Variants in C12orf56 observed in about 807,000 individuals in gnomAD.
The protein encoded by C12orf56 is uncharacterized protein C12orf56.
In C12orf56, 71 loss-of-function variants were observed where a neutral mutation model predicts 69.9. The observed-to-expected ratio is 1.02, with a 90% CI of 0.84 to 1.24. The LOEUF (loss-of-function observed/expected upper bound fraction) is 1.24. Among genes scored for constraint, C12orf56 ranks in the 50% most tolerant of loss-of-function variants. C12orf56 has a pLI of 0.00. For missense variants in C12orf56, 732 were observed against 738.5 expected (o/e 0.99, Z 0.10); for synonymous variants, 276 against 274.1 (o/e 1.01, Z -0.07).
chr12:64,346,296 G>C (rs1394422139), intron 2 of C12orf56, among the ~76,000 whole-genome samples: 1 of 152,116 alleles, frequency 6.6e-6, no homozygotes, highest in African/African-American at 2.4e-5. Context: ...TGTAGGCTGA[G>C]AGGCTAGGCG....
At chr12:64,323,218 C>T (rs1382553221) in intron 3 of C12orf56, among the ~76,000 whole-genome samples, 1 of 152,150 alleles carries the variant, frequency 6.6e-6, no homozygotes, top group Non-Finnish European at 1.5e-5. Context: ...GACACTCAAG[C>T]CCCCAGTTCC....
At chr12:64,268,854 G>A (rs2037944786) in intron 12 of C12orf56, among the ~76,000 whole-genome samples, 2 of 152,096 alleles carry the variant, frequency 1.3e-5, no homozygotes, top group South Asian at 4.1e-4. Context: ...AAAAGTCCAT[G>A]GCTGAGTGTG....
rs562705147 is a variant in C12orf56 at position 64,282,590 on chromosome 12, A to G, written c.1310+2074T>C. ...GGAGTTTGAGACCAGCCTGGACAAC[A>G]TGGCAAAACCCCATCTCTATGAAAA... On this transcript the variant is annotated intron_variant, in intron 8 of 12. Transcript: ENST00000543942. Among the ~76,000 whole-genome samples, 175 of 151,982 alleles carry G rather than the reference A, an allele frequency of 1.2e-3. 2 individuals are homozygous for G. Among genetic ancestry groups the G allele is most frequent in the African/African-American group, 4.0e-3 (164 of 41,444 alleles).
chr12:64,309,397 A>C (rs535519802), intron 5 of C12orf56, among the ~76,000 whole-genome samples: 4 of 152,322 alleles, frequency 2.6e-5, no homozygotes, highest in African/African-American at 9.6e-5. Flanking sequence ...GCCCTTTTGT[A>C]TCTGGCTTAT....
intron 1 of C12orf56, among the ~76,000 whole-genome samples, chr12:64,382,262 C>CAA (rs55714337): frequency 2.0e-5 from 2 of 97,694 alleles, no homozygotes; most frequent in Non-Finnish European, 2.0e-5. Context: ...ACTCTTGTCT[C>CAA]AAAAAAAAAA....
At chr12:64,301,828 G>C (rs2038449738) in intron 6 of C12orf56, among the ~76,000 whole-genome samples, 1 of 152,032 alleles carries the variant, frequency 6.6e-6, no homozygotes, top group Middle Eastern at 3.2e-3. Flanking sequence ...CCAGTCTCAG[G>C]TAGCATTTTT....
intron 1 of C12orf56, among the ~76,000 whole-genome samples, chr12:64,372,479 T>C (rs1303963407): frequency 6.6e-6 from 1 of 152,180 alleles, no homozygotes; most frequent in African/African-American, 2.4e-5. Flanking sequence ...GGTTTGAATT[T>C]AATGATCTTG....
intron 1 of C12orf56, among the ~76,000 whole-genome samples, chr12:64,369,550 A>G (rs1486891443): frequency 6.6e-6 from 1 of 152,304 alleles, no homozygotes; most frequent in East Asian, 1.9e-4. Context: ...TAATTCAAAG[A>G]CCACTGCATA....
rs1565757079 is a variant in C12orf56 at position 64,325,728 on chromosome 12, C to A, written c.488+5232G>T. ...TGAGTACCCCACCTCCCTAGCATCT[C>A]CAATAGTCTTCCCCTGAGTGAGCCA... On this transcript the variant is annotated intron_variant, in intron 3 of 12. Transcript: ENST00000543942. Among the ~76,000 whole-genome samples the A allele has an allele frequency of 2.0e-5, 3 of 152,266 alleles. No individual in the cohort carries two copies. In the East Asian group the frequency reaches 5.8e-4, roughly 29 times the overall value.
At chr12:64,354,134 C>G (rs1248194303) in intron 1 of C12orf56, among the ~76,000 whole-genome samples, 1 of 152,200 alleles carries the variant, frequency 6.6e-6, no homozygotes, top group African/African-American at 2.4e-5. Context: ...GTTTGAACTA[C>G]TGGAAATGTC....
chr12:64,368,567 T>C (rs2039528756), intron 1 of C12orf56, among the ~76,000 whole-genome samples: 1 of 152,070 alleles, frequency 6.6e-6, no homozygotes, highest in African/African-American at 2.4e-5. Context: ...AGATTCTGAG[T>C]GGACCATATT....
intron 1 of C12orf56, among the ~76,000 whole-genome samples, chr12:64,356,389 C>T (rs1440463372): frequency 6.6e-6 from 1 of 152,088 alleles, no homozygotes; most frequent in Non-Finnish European, 1.5e-5. Flanking sequence ...ATTTTTACTT[C>T]CATAGAAGGG....
intron 1 of C12orf56, among the ~76,000 whole-genome samples, chr12:64,354,803 G>A (rs2039284203): frequency 6.8e-6 from 1 of 148,140 alleles, no homozygotes; most frequent in Non-Finnish European, 1.5e-5. Context: ...GGGTTGCCAG[G>A]TGCGGTGGCT....
In C12orf56 at chr12:64,345,211, G is replaced by C. The variant is rs117735537; in HGVS notation, c.415+7683C>G. On this transcript the variant is annotated intron_variant, in intron 2 of 12. Transcript: ENST00000543942. ...GGTCTACAAGCAAACAGGAACATTG[G>C]GGGGTGGGTCCTGAGGAGAGTCAAC... 2.9e-3 allele frequency among the ~76,000 whole-genome samples: 444 copies of C among 152,284 alleles called. 1 individual carries two copies. Among genetic ancestry groups the C allele is most frequent in the Non-Finnish European group, 4.6e-3 (311 of 68,026 alleles).
chr12:64,284,609 A>T (rs2038175113), intron 8 of C12orf56, 55 bp downstream of exon 8: 2 of 1,280,998 alleles, frequency 1.6e-6, no homozygotes, highest in African/African-American at 1.5e-5. Context: ...ACACTTAATA[A>T]GAATAGTTAA....
At chr12:64,294,254 A>G (rs1004158802) in intron 6 of C12orf56, among the ~76,000 whole-genome samples, 2 of 152,210 alleles carry the variant, frequency 1.3e-5, no homozygotes, top group Non-Finnish European at 2.9e-5. Flanking sequence ...AAAATAGCAC[A>G]GACACTGGAA....
chr12:64,303,047 T>A (rs978283611), intron 6 of C12orf56, among the ~76,000 whole-genome samples: 6 of 151,934 alleles, frequency 3.9e-5, no homozygotes, highest in Admixed American at 6.6e-5. Flanking sequence ...CCAAGACGGG[T>A]GGATCACCTG....
rs1308904976 is a variant in C12orf56 at position 64,265,606 on chromosome 12, T to C, written c.*1577A>G. On this transcript the variant is annotated 3_prime_UTR_variant, in exon 13 of 13. Coordinates refer to ENST00000543942, the MANE Select transcript of C12orf56 (RefSeq NM_001170633.2). ...GGCCTGGAAAGGGGGCCTGACTTGC[T>C]TGAAGTCAAATAGCTGGTCATTTGG... 1 of 152,240 alleles carries C rather than the reference T, an allele frequency of 6.6e-6. No homozygotes were observed. Among genetic ancestry groups the C allele is most frequent in the Non-Finnish European group, 1.5e-5 (1 of 68,078 alleles). 9.4% of individuals were successfully genotyped at this position (152,240 alleles called of 1,614,324 possible).
At chr12:64,285,194 A>G (rs1034818261) in intron 7 of C12orf56, among the ~76,000 whole-genome samples, 7 of 152,320 alleles carry the variant, frequency 4.6e-5, no homozygotes, top group Middle Eastern at 6.8e-3. Context: ...TAAAAAAAAA[A>G]AAAAGAAAAA....
Sources: allele counts gnomAD v4.1 joint callset (sites outside exome capture counted in the v4.1 genomes callset), GRCh38; gene constraint gnomAD v4.1.1; transcripts MANE v1.5; gene names NCBI Gene and HGNC (gene_info 2026-07-23, HGNC 2026-07-21).